The following CCDC62 variants were observed in gnomAD, a reference collection of about 807,000 sequenced individuals.
The protein encoded by CCDC62 is coiled-coil domain containing 62, also known as coiled-coil domain-containing protein 62.
Under a neutral mutation model 80.8 loss-of-function variants are expected in CCDC62, and 72 were observed. That is an observed-to-expected ratio of 0.89 (90% confidence interval 0.74 to 1.08). The LOEUF is 1.08. Ranked by LOEUF, CCDC62 falls within the 50% of genes least tolerant of loss-of-function variation. The probability of loss-of-function intolerance (pLI) is 0.00; values close to 1 mark genes in which losing one functional copy is unlikely to be tolerated. For synonymous variants in CCDC62, 286 were observed against 296.5 expected (o/e 0.96, Z 0.36); for missense variants, 704 against 809.4 (o/e 0.87, Z 1.58).
At chr12:122,808,506 A>G (rs2031721478) in intron 10 of CCDC62, among the ~76,000 whole-genome samples, 1 of 151,844 alleles carries the variant, frequency 6.6e-6, no homozygotes. Context: ...GCTAGCTCAT[A>G]TGGTAGGTGT....
At chr12:122,779,310 C>T (rs79441620) in intron 2 of CCDC62, among the ~76,000 whole-genome samples, 398 of 152,316 alleles carry the variant, frequency 2.6e-3, no homozygotes, top group Admixed American at 6.7e-3. Flanking sequence ...AAAGCTGAGA[C>T]GCTGCTGGTG....
intron 9 of CCDC62, among the ~76,000 whole-genome samples, chr12:122,802,905 G>A (rs768531391): frequency 7.2e-5 from 11 of 151,892 alleles, no homozygotes; most frequent in African/African-American, 1.7e-4. Context: ...TGGCAAACAC[G>A]TGTAGTCCAA....
rs376082452 is a variant in CCDC62 at position 122,781,203 on chromosome 12, C to A, written c.269C>A (p.Thr90Lys). ...HKRTEIIRSL[T>K]KKVKALESNQ... ...AGAACTGAAATAATCAGGTCACTCA[C>A]GAAGAAGGTAAAAGCTCTTGAATCC... is the stretch of plus-strand genomic sequence containing the variant. The change falls in exon 3 of 13, where the codon ACG (threonine) becomes AAG (lysine). Residue 90 changes from threonine to lysine, a missense_variant. Transcript: ENST00000253079. 3 of 1,613,882 alleles carry A rather than the reference C, an allele frequency of 1.9e-6. No homozygotes were observed. The highest frequency in any genetic ancestry group is 1.3e-5 in the African/African-American group (1 of 75,008).
chr12:122,785,619 GA>G (rs1359960279), intron 3 of CCDC62, 99 bp from the exon 4 acceptor site: 37 of 813,450 alleles, frequency 4.5e-5, no homozygotes, highest in Admixed American at 4.2e-5. Flanking sequence ...GTTAAACAAG[GA>G]AAAAACAAAA....
Position 122,785,629 on chromosome 12 carries a change from AAT to A in CCDC62, c.397-88_397-87del, listed in dbSNP as rs1398099971. The A allele has an allele frequency of 1.6e-5, 14 of 869,046 alleles. No individual in the cohort carries two copies. In the Admixed American group the frequency reaches 2.7e-4, roughly 16 times the overall value. The allele number at this position is 869,046 out of a possible 1,614,324, so 53.8% of individuals were successfully genotyped here. On this transcript the variant is annotated intron_variant, in intron 3 of 12. Transcript: ENST00000253079. ...AACGAGTTAAACAAGGAAAAAACAA[AAT>A]AGAGAAGTAAGCGCAGATTGTGGCT...
At chr12:122,774,743 G>GA (rs1879303363) in intron 1 of CCDC62, 37 bp downstream of exon 1, 1 of 1,235,456 alleles carries the variant, frequency 8.1e-7, no homozygotes, top group African/African-American at 1.6e-5. Flanking sequence ...GGCGCCGCGG[G>GA]AACGGTGCAC....
chr12:122,778,277 C>A (rs1176535043), intron 2 of CCDC62, among the ~76,000 whole-genome samples: 2 of 151,568 alleles, frequency 1.3e-5, no homozygotes, highest in Non-Finnish European at 2.9e-5. Context: ...TCGCTTGAAC[C>A]CAGGAGGCGG....
At chr12:122,814,053 G>A (rs12824418) in intron 11 of CCDC62, among the ~76,000 whole-genome samples, 127,328 of 151,116 alleles carry the variant, frequency 0.84, 54,878 homozygotes, top group East Asian at 0.99. Context: ...AGGCCGAGGC[G>A]GGTGGATTAC....
At position 122,797,202 on chromosome 12, in the gene CCDC62, A is replaced by G. The variant is rs2031014987; in HGVS notation, c.773-105A>G. 1.1e-5 allele frequency: 7 copies of G among 631,166 alleles called. No homozygotes were observed. The South Asian group carries it at 1.2e-4, about 11-fold the overall frequency. 39.1% of individuals were successfully genotyped at this position (631,166 alleles called of 1,614,324 possible). A position where few individuals can be genotyped will look rare whatever the true frequency, so the allele number is the denominator to read the frequency against. On this transcript the variant is annotated intron_variant, in intron 6 of 12. Transcript: ENST00000253079. ...CCATTCTGCTATTTTTAAGTACAGGAACAACAACAACAAAAATGTTAGCTG... is the reference window on the plus strand; with the variant it reads ...CCATTCTGCTATTTTTAAGTACAGGGACAACAACAACAAAAATGTTAGCTG...
At chr12:122,783,653 A>G (rs2030017794) in intron 3 of CCDC62, among the ~76,000 whole-genome samples, 1 of 152,234 alleles carries the variant, frequency 6.6e-6, no homozygotes, top group African/African-American at 2.4e-5. Flanking sequence ...TTCTAGCTAT[A>G]AAATAAGTAA....
At chr12:122,819,918 G>A (rs908992481) in intron 11 of CCDC62, among the ~76,000 whole-genome samples, 4 of 151,624 alleles carry the variant, frequency 2.6e-5, no homozygotes, top group East Asian at 1.9e-4. Context: ...AAACATTAGC[G>A]GGGCATGGTG....
chr12:122,814,306 G>T (rs1397679502), intron 11 of CCDC62, among the ~76,000 whole-genome samples: 1 of 114,792 alleles, frequency 8.7e-6, no homozygotes, highest in Middle Eastern at 4.5e-3. Flanking sequence ...AAAAAAGAGA[G>T]AGAGAAAGAA....
At chr12:122,825,871 TA>T (rs914752754) in intron 12 of CCDC62, among the ~76,000 whole-genome samples, 7 of 150,040 alleles carry the variant, frequency 4.7e-5, no homozygotes, top group African/African-American at 1.7e-4. Flanking sequence ...CGCATGCCTG[TA>T]ATCCCAGCTA....
chr12:122,775,906 C>T (rs1314639218), intron 1 of CCDC62, among the ~76,000 whole-genome samples: 1 of 152,236 alleles, frequency 6.6e-6, no homozygotes, highest in Admixed American at 6.5e-5. Flanking sequence ...AGCCACTGAG[C>T]CCAACCTCAT....
intron 4 of CCDC62, among the ~76,000 whole-genome samples, chr12:122,787,024 C>G (rs1277908193): frequency 6.6e-6 from 1 of 152,142 alleles, no homozygotes; most frequent in East Asian, 1.9e-4. Flanking sequence ...AGTCAAGTAG[C>G]AGACAGTTTA....
chr12:122,781,672 C>T (rs1472068230), intron 3 of CCDC62, among the ~76,000 whole-genome samples: 2 of 148,874 alleles, frequency 1.3e-5, no homozygotes, highest in African/African-American at 2.5e-5. Flanking sequence ...GCAACAAGAG[C>T]GAAACTCTGT....
At chr12:122,801,087 T>C (rs781570246) in intron 8 of CCDC62, 37 bp from the exon 9 acceptor site, 2 of 1,563,770 alleles carry the variant, frequency 1.3e-6, no homozygotes, top group Non-Finnish European at 1.7e-6. Context: ...ATCAAGTATA[T>C]CTTATAACCT....
chr12:122,801,302 G>A lies in CCDC62; in HGVS notation c.1156G>A (p.Val386Met), dbSNP rs1234233996. Residue 386 changes from valine to methionine, a missense_variant, in exon 9 of 13, where the codon GTG becomes ATG. Coordinates refer to ENST00000253079, the MANE Select transcript of CCDC62 (RefSeq NM_201435.5). ...AGAGAAGAAACAACAGATCGATACT[G>A]TGTTTGGGGAGAAAAGTGTAATTAC... ...CKEKKQQIDTVFGEKSVITLS... is the reference protein window; with the variant it reads ...CKEKKQQIDTMFGEKSVITLS... 1.2e-6 allele frequency: 2 copies of A among 1,614,098 alleles called. No homozygotes were observed. The highest frequency in any genetic ancestry group is 4.5e-5 in the East Asian group (2 of 44,894).
intron 10 of CCDC62, among the ~76,000 whole-genome samples, chr12:122,811,116 A>G (rs1188177877): frequency 6.6e-6 from 1 of 152,020 alleles, no homozygotes; most frequent in African/African-American, 2.4e-5. Flanking sequence ...ACATGTATAC[A>G]TATGTAACAA....
Sources: gnomAD v4.1 joint callset for allele counts (sites outside exome capture counted in the v4.1 genomes callset) on GRCh38, gnomAD v4.1.1 for gene constraint, MANE v1.5 for transcripts, NCBI Gene and HGNC (gene_info 2026-07-23, HGNC 2026-07-21) for gene names.